Variants in PLCE1 observed in about 807,000 individuals in gnomAD.
PLCE1 encodes the protein 1-phosphatidylinositol 4,5-bisphosphate phosphodiesterase epsilon-1.
In PLCE1, 119 loss-of-function variants were observed where a neutral mutation model predicts 242.8. That is an observed-to-expected ratio of 0.49 (90% CI 0.42 to 0.57). PLCE1 has a LOEUF of 0.57. PLCE1 is among the 20% of genes least tolerant of loss of function. PLCE1 has a pLI of 0.00. For synonymous variants in PLCE1, 945 were observed against 1,017.4 expected (o/e 0.93, Z 1.35); for missense variants, 2,441 against 2,788.8 (o/e 0.88, Z 2.81).
At chr10:94,327,431 C>A (rs2054066719) in intron 32 of PLCE1, among the ~76,000 whole-genome samples, 1 of 151,314 alleles carries the variant, frequency 6.6e-6, no homozygotes, top group African/African-American at 2.4e-5. Flanking sequence ...CCCATCTCTA[C>A]CAAAAAATAT....
At chr10:94,153,376 A>G (rs1436051214) in intron 3 of PLCE1, among the ~76,000 whole-genome samples, 1 of 152,190 alleles carries the variant, frequency 6.6e-6, no homozygotes, top group East Asian at 1.9e-4. Flanking sequence ...ACATCTTTTT[A>G]TGAAAAAAAA....
intron 2 of PLCE1, among the ~76,000 whole-genome samples, chr10:94,116,170 C>A (rs960004116): frequency 6.6e-6 from 1 of 152,182 alleles, no homozygotes. Context: ...GTCGTCATCA[C>A]CTTCCTCCCC....
rs2051491108 is a variant in PLCE1 at position 94,265,724 on chromosome 10, T to C, written c.4115+16T>C. 1 of 1,613,764 alleles carries C rather than the reference T, an allele frequency of 6.2e-7. No individual in the cohort carries two copies. The highest frequency in any genetic ancestry group is 1.1e-5 in the South Asian group (1 of 91,070). On this transcript the variant is annotated intron_variant, in intron 15 of 32. Coordinates refer to ENST00000371380, the MANE Select transcript of PLCE1 (RefSeq NM_016341.4). The stretch of plus-strand genomic sequence containing the variant: ...GGTTTGCCAGGTAACTTTTAAAATA[T>C]CTTTTGCCCATCTTTTAAGAGTAGA...
At position 94,220,175 on chromosome 10, in the gene PLCE1, T is replaced by TATAC. The variant is rs553208426; in HGVS notation, c.1810-7113_1810-7110dup. Among the ~76,000 whole-genome samples the TATAC allele has an allele frequency of 2.5e-3, 369 of 150,390 alleles. 1 individual carries two copies. Among genetic ancestry groups the TATAC allele is most frequent in the Admixed American group, 3.3e-3 (50 of 15,004 alleles). On this transcript the variant is annotated intron_variant, in intron 4 of 32. Coordinates refer to ENST00000371380, the MANE Select transcript of PLCE1 (RefSeq NM_016341.4). ...AAGAACTTGGTCTAGGACAACATTT[T>TATAC]ATACATACATACATACATACACACA...
intron 1 of PLCE1, among the ~76,000 whole-genome samples, chr10:94,005,851 T>C (rs2061025964): frequency 6.6e-6 from 1 of 152,204 alleles, no homozygotes; most frequent in African/African-American, 2.4e-5. Flanking sequence ...CATTCTAATG[T>C]TTGTCTTTCC....
At chr10:94,166,733 A>G (rs1366739011) in intron 3 of PLCE1, among the ~76,000 whole-genome samples, 1 of 152,192 alleles carries the variant, frequency 6.6e-6, no homozygotes, top group Non-Finnish European at 1.5e-5. Flanking sequence ...CTTGTCTTTA[A>G]GCAAAATGTT....
chr10:94,128,098 G>A (rs552483064), intron 2 of PLCE1, among the ~76,000 whole-genome samples: 95 of 149,586 alleles, frequency 6.4e-4, no homozygotes, highest in African/African-American at 2.3e-3. Context: ...AGTGATTCTC[G>A]TGCCTCAGCC....
At chr10:94,220,532 C>A (rs898751759) in intron 4 of PLCE1, among the ~76,000 whole-genome samples, 1 of 151,124 alleles carries the variant, frequency 6.6e-6, no homozygotes, top group African/African-American at 2.4e-5. Flanking sequence ...AGACTGTACT[C>A]GGGGCACAAA....
intron 2 of PLCE1, among the ~76,000 whole-genome samples, chr10:94,127,565 G>A (rs1230756591): frequency 6.6e-6 from 1 of 152,154 alleles, no homozygotes; most frequent in Non-Finnish European, 1.5e-5. Context: ...ATTAGTTAAG[G>A]AAATCACAGT....
chr10:94,146,016 T>G (rs750572085), intron 3 of PLCE1, among the ~76,000 whole-genome samples: 1 of 151,986 alleles, frequency 6.6e-6, no homozygotes, highest in African/African-American at 2.4e-5. Context: ...TAGTGAGAGG[T>G]AAGGTCCATT....
intron 1 of PLCE1, among the ~76,000 whole-genome samples, chr10:94,007,818 C>T (rs544424807): frequency 2.9e-4 from 41 of 140,282 alleles, no homozygotes; most frequent in African/African-American, 1.0e-3. Context: ...CTTTTGTTTT[C>T]GTGTGTGGTT....
At chr10:94,313,431 G>C in intron 28 of PLCE1, 49 bp downstream of exon 28, 1 of 1,607,888 alleles carries the variant, frequency 6.2e-7, no homozygotes, top group Non-Finnish European at 8.5e-7. Flanking sequence ...TAAGATGTAT[G>C]GATGTATGTG....
chr10:94,077,352 C>T (rs375265015), intron 2 of PLCE1, among the ~76,000 whole-genome samples: 18 of 152,332 alleles, frequency 1.2e-4, no homozygotes, highest in African/African-American at 4.3e-4. Flanking sequence ...TATCCAGCCC[C>T]TAATATTTAG....
Position 94,246,572 on chromosome 10 carries a change from C to T in PLCE1, c.3047C>T (p.Pro1016Leu). 1 of 1,614,158 alleles carries T rather than the reference C, an allele frequency of 6.2e-7. No homozygotes were observed. Among genetic ancestry groups the T allele is most frequent in the Non-Finnish European group, 8.5e-7 (1 of 1,180,010 alleles). Reference protein sequence around the residue: ...TRAVRKMRKFPDQRQQWLRKQ... With the variant: ...TRAVRKMRKFLDQRQQWLRKQ... Reference sequence around the variant, plus strand: ...GCTGTGAGAAAGATGAGGAAATTCCCTGACCAAAGACAGCAGTGGCTGCGG... The same window carrying T: ...GCTGTGAGAAAGATGAGGAAATTCCTTGACCAAAGACAGCAGTGGCTGCGG... Residue 1016 changes from proline (P) to leucine (L), a missense_variant, in exon 8 of 33, where the codon CCT becomes CTT. Physicochemically the swap from Pro to Leu is moderately conservative, Grantham distance 98 (BLOSUM62 -3). Transcript: ENST00000371380.
intron 22 of PLCE1, among the ~76,000 whole-genome samples, chr10:94,287,702 A>G (rs1180731831): frequency 6.6e-6 from 1 of 151,246 alleles, no homozygotes; most frequent in African/African-American, 2.4e-5. Flanking sequence ...TAGTACTTCT[A>G]TTGTCCTGGG....
chr10:94,132,685 T>C (rs2135913771), intron 3 of PLCE1, among the ~76,000 whole-genome samples: 1 of 151,660 alleles, frequency 6.6e-6, no homozygotes, highest in South Asian at 2.1e-4. Context: ...GTGCGGTGGC[T>C]CACACCTGTA....
intron 4 of PLCE1, among the ~76,000 whole-genome samples, chr10:94,184,223 C>T (rs2048399036): frequency 1.3e-5 from 2 of 152,180 alleles, no homozygotes; most frequent in Non-Finnish European, 2.9e-5. Flanking sequence ...AAGGTAACTC[C>T]CCTGCTAAGT....
At chr10:94,075,686 C>T (rs1309215016) in intron 2 of PLCE1, among the ~76,000 whole-genome samples, 1 of 152,218 alleles carries the variant, frequency 6.6e-6, no homozygotes, top group African/African-American at 2.4e-5. Context: ...AGTATGCTGG[C>T]ACTTCTGTTA....
At chr10:94,247,048 G>A (rs577697522) in intron 8 of PLCE1, among the ~76,000 whole-genome samples, 1 of 150,444 alleles carries the variant, frequency 6.6e-6, no homozygotes, top group South Asian at 2.1e-4. Flanking sequence ...GGAGGCAGAG[G>A]TTGCAGTGAG....
Sources: gnomAD v4.1 joint callset for allele counts (sites outside exome capture counted in the v4.1 genomes callset) on GRCh38, gnomAD v4.1.1 for gene constraint, MANE v1.5 for transcripts, NCBI Gene and HGNC (gene_info 2026-07-23, HGNC 2026-07-21) for gene names.